Variants in KLHL26 observed in about 807,000 individuals in gnomAD.
KLHL26 encodes the protein kelch-like protein 26.
KLHL26 carries 4 observed loss-of-function variants against 7.1 expected under a neutral mutation model. That is an observed-to-expected ratio of 0.56 (90% CI 0.28 to 1.28). KLHL26 has a LOEUF of 1.28. Among genes scored for constraint, KLHL26 ranks in the 50% most tolerant of loss-of-function variants. KLHL26 has a pLI of 0.11. For synonymous variants in KLHL26, 465 were observed against 414.1 expected (o/e 1.12, Z -1.49); for missense variants, 896 against 924.6 (o/e 0.97, Z 0.40).
At chr19:18,644,733 G>A (rs1976771155) in intron 1 of KLHL26, 1 of 152,244 alleles carries the variant, frequency 6.6e-6, no homozygotes, top group African/African-American at 2.4e-5. Context: ...TGGGGCTGCT[G>A]GGGGGCAGTG....
At chr19:18,642,522 G>C (rs942393938) in intron 1 of KLHL26, among the ~76,000 whole-genome samples, 4 of 147,714 alleles carry the variant, frequency 2.7e-5, no homozygotes, top group African/African-American at 1.0e-4. Context: ...CTGCCACCAA[G>C]CCTGGCTAAT....
At chr19:18,659,394 G>A (rs541793798) in intron 1 of KLHL26, among the ~76,000 whole-genome samples, 1 of 152,350 alleles carries the variant, frequency 6.6e-6, no homozygotes, top group East Asian at 1.9e-4. Context: ...CGCATCAGCC[G>A]GGGTGGGAGC....
Position 18,649,010 on chromosome 19 carries a change from G to T in KLHL26, c.83+11873G>T, listed in dbSNP as rs72995477. ...CAGAACAAAATCTACTTCTTGATGT[G>T]ACCCGCTGGGCCCCTGAGCTTCCGC... is the stretch of plus-strand genomic sequence containing the variant. On this transcript the variant is annotated intron_variant, in intron 1 of 2. Coordinates refer to ENST00000300976, the MANE Select transcript of KLHL26 (RefSeq NM_018316.3). This position sits in a 1 kb window ranked among gnomAD's most constrained non-coding sequence, Gnocchi z 4.0. Among the ~76,000 whole-genome samples, 700 of 152,266 alleles carry T rather than the reference G, an allele frequency of 4.6e-3. 5 individuals carry two copies. Among genetic ancestry groups the T allele is most frequent in the Non-Finnish European group, 6.4e-3 (433 of 68,014 alleles).
intron 1 of KLHL26, among the ~76,000 whole-genome samples, chr19:18,644,863 C>T (rs889437109): frequency 3.3e-5 from 5 of 152,142 alleles, no homozygotes; most frequent in Non-Finnish European, 2.9e-5. Flanking sequence ...TGTCTTCCCC[C>T]TGGCCCTTCC....
chr19:18,647,953 G>A (rs927843090), intron 1 of KLHL26, among the ~76,000 whole-genome samples: 1 of 152,220 alleles, frequency 6.6e-6, no homozygotes, highest in African/African-American at 2.4e-5. Flanking sequence ...CCCTGCCCAT[G>A]GGGCGCATAC....
At chr19:18,659,281 G>A (rs1024116039) in intron 1 of KLHL26, among the ~76,000 whole-genome samples, 107 of 152,160 alleles carry the variant, frequency 7.0e-4, no homozygotes, top group African/African-American at 2.5e-3. Flanking sequence ...TGGGAGAGAG[G>A]CTAGGGATTG....
At chr19:18,665,735 G>A (rs1288693306) in intron 2 of KLHL26, among the ~76,000 whole-genome samples, 1 of 152,182 alleles carries the variant, frequency 6.6e-6, no homozygotes, top group Non-Finnish European at 1.5e-5. Flanking sequence ...CGCCAGCTGG[G>A]GGCTGTTGCA....
intron 1 of KLHL26, among the ~76,000 whole-genome samples, chr19:18,651,116 C>A (rs888351616): frequency 2.0e-5 from 3 of 152,138 alleles, no homozygotes; most frequent in Non-Finnish European, 4.4e-5. Flanking sequence ...AGGAGACACC[C>A]GGTTTTAGGT....
chr19:18,662,646 G>A (rs528276415), intron 1 of KLHL26, among the ~76,000 whole-genome samples: 3 of 152,312 alleles, frequency 2.0e-5, no homozygotes, highest in South Asian at 2.1e-4. Flanking sequence ...CATGCCATTC[G>A]TGGGAAGCAA....
At position 18,656,081 on chromosome 19, in the gene KLHL26, A is replaced by G. The variant is rs1355484848; in HGVS notation, c.84-8180A>G. Among the ~76,000 whole-genome samples, 1 of 151,800 alleles carries G rather than the reference A, an allele frequency of 6.6e-6. No homozygotes were observed. The highest frequency in any genetic ancestry group is 6.6e-5 in the Admixed American group (1 of 15,246). The stretch of plus-strand genomic sequence containing the variant: ...ATGCTCCTGAGATGACAGCTTGCAA[A>G]CCACTGCACCTCTAACCCCCTGTTT... On this transcript the variant is annotated intron_variant, in intron 1 of 2. Transcript: ENST00000300976. The surrounding 1 kb of genome is among the most constrained non-coding windows in gnomAD (Gnocchi z 4.4).
Position 18,670,471 on chromosome 19 carries a change from A to T in KLHL26, c.*1226A>T, listed in dbSNP as rs2052516769. On this transcript the variant is annotated 3_prime_UTR_variant, in exon 3 of 3. Coordinates refer to ENST00000300976, the MANE Select transcript of KLHL26 (RefSeq NM_018316.3). ...ACATCGTCTCCTAATATTTCCCTTT[A>T]TTTAATAAAAATGTTATGGTGAAGA... 1 of 152,018 alleles carries T rather than the reference A, an allele frequency of 6.6e-6. No individual in the cohort carries two copies. Among genetic ancestry groups the T allele is most frequent in the Non-Finnish European group, 1.5e-5 (1 of 68,010 alleles). The allele number at this position is 152,018 out of a possible 1,614,324, so 9.4% of individuals were successfully genotyped here.
Position 18,665,374 on chromosome 19 carries a change from C to T in KLHL26, c.266+931C>T, listed in dbSNP as rs187372967. ...CCCAGCCCAATCTGTCTTTACTTGA[C>T]GCCTGCTGTATGCCAGGCACTATTC... On this transcript the variant is annotated intron_variant, in intron 2 of 2. Coordinates refer to ENST00000300976, the MANE Select transcript of KLHL26 (RefSeq NM_018316.3). Among the ~76,000 whole-genome samples the T allele has an allele frequency of 7.9e-4, 120 of 152,320 alleles. 2 individuals are homozygous for T. The highest frequency in any genetic ancestry group is 2.5e-3 in the African/African-American group (104 of 41,570).
chr19:18,640,051 G>T (rs1015415616), intron 1 of KLHL26, among the ~76,000 whole-genome samples: 3 of 150,950 alleles, frequency 2.0e-5, no homozygotes, highest in Non-Finnish European at 4.4e-5. Context: ...ATACAATCTC[G>T]TATGGACGGA....
intron 1 of KLHL26, among the ~76,000 whole-genome samples, chr19:18,643,773 C>T (rs1157504505): frequency 6.6e-6 from 1 of 151,946 alleles, no homozygotes; most frequent in African/African-American, 2.4e-5. Context: ...CCACTGTGTC[C>T]GGCCAAGATG....
chr19:18,668,886 C>A lies in KLHL26; in HGVS notation c.1489C>A (p.Pro497Thr). The change falls in exon 3 of 3, where the codon CCC becomes ACC. Residue 497 changes from proline (P) to threonine (T), a missense_variant. Pro to Thr is a conservative substitution (Grantham distance 38, BLOSUM62 -1). Coordinates refer to ENST00000300976, the MANE Select transcript of KLHL26 (RefSeq NM_018316.3). ...GGAGTTCAAGGCGCCCATGAGCGAA[C>A]CCCGCGTGCTACACGCCATGGTGGG... is the stretch of plus-strand genomic sequence containing the variant. ...QWEFKAPMSE[P>T]RVLHAMVGAG... 6.3e-7 allele frequency: 1 copy of A among 1,598,466 alleles called. No homozygotes were observed. Among genetic ancestry groups the A allele is most frequent in the South Asian group, 1.1e-5 (1 of 90,812 alleles).
chr19:18,658,127 G>A (rs1409878870), intron 1 of KLHL26, among the ~76,000 whole-genome samples: 1 of 152,086 alleles, frequency 6.6e-6, no homozygotes, highest in Admixed American at 6.5e-5. Context: ...TGGCGGGGGA[G>A]CAGGGGCACG....
chr19:18,642,684 T>G (rs550257396), intron 1 of KLHL26, among the ~76,000 whole-genome samples: 8 of 150,804 alleles, frequency 5.3e-5, no homozygotes, highest in South Asian at 2.1e-4. Flanking sequence ...TGTTTGTTTG[T>G]TTGGTTTGGT....
intron 1 of KLHL26, among the ~76,000 whole-genome samples, chr19:18,647,156 G>A (rs1976818434): frequency 2.0e-5 from 3 of 152,230 alleles, no homozygotes; most frequent in African/African-American, 4.8e-5. Flanking sequence ...AGCTCTGGGA[G>A]TGGAATTGCT....
At chr19:18,655,825 TG>T (rs1410125526) in intron 1 of KLHL26, among the ~76,000 whole-genome samples, 6 of 144,748 alleles carry the variant, frequency 4.1e-5, no homozygotes, top group Non-Finnish European at 9.2e-5. Flanking sequence ...AAGTCCGGGA[TG>T]GGGGCGCTGT....
Sources: gnomAD v4.1 joint callset for allele counts (sites outside exome capture counted in the v4.1 genomes callset) on GRCh38, gnomAD v4.1.1 for gene constraint, Gnocchi (gnomAD v3.1) non-coding constraint, MANE v1.5 for transcripts, NCBI Gene and HGNC (gene_info 2026-07-23, HGNC 2026-07-21) for gene names.